The following DLC1 variants were observed in gnomAD, a reference collection of about 807,000 sequenced individuals.
The protein encoded by DLC1 is rho GTPase-activating protein 7.
A neutral mutation model predicts 140.3 loss-of-function variants in DLC1; 54 were observed. The ratio of observed to expected loss-of-function variants is 0.38; its 90% CI spans 0.31 to 0.48. The LOEUF is 0.48. Among genes scored for constraint, DLC1 ranks in the 20% least tolerant of loss-of-function variants. DLC1 has a pLI of 0.96. For synonymous variants in DLC1, 986 were observed against 728.1 expected (o/e 1.35, Z -5.70); for missense variants, 2,536 against 1,907.0 (o/e 1.33, Z -6.14).
chr8:13,305,317 A>G lies in DLC1; in HGVS notation c.1315-15T>C. On this transcript the variant is annotated splice_polypyrimidine_tract_variant and intron_variant, in intron 4 of 17. Transcript: ENST00000276297. Reference sequence around the variant, plus strand: ...CCTTGAATAGCCTGAAAAAAAAGACACAAAAATTGTGGTATTATTAGGAAG... The same window carrying G: ...CCTTGAATAGCCTGAAAAAAAAGACGCAAAAATTGTGGTATTATTAGGAAG... The G allele has an allele frequency of 2.5e-6, 4 of 1,585,330 alleles. No homozygotes were observed. The highest frequency in any genetic ancestry group is 3.4e-6 in the Non-Finnish European group (4 of 1,168,574).
intron 5 of DLC1, among the ~76,000 whole-genome samples, chr8:13,143,200 C>T (rs1329060860): frequency 2.6e-5 from 4 of 152,054 alleles, no homozygotes; most frequent in Non-Finnish European, 5.9e-5. Flanking sequence ...TAAGAACAAA[C>T]AAAAAACAAA....
chr8:13,131,159 C>T (rs968456079), intron 5 of DLC1, among the ~76,000 whole-genome samples: 1 of 152,300 alleles, frequency 6.6e-6, no homozygotes, highest in East Asian at 1.9e-4. Context: ...GTCTGCAAGC[C>T]AAGATGGCAA....
chr8:13,463,607 A>T (rs183998786), intron 2 of DLC1, among the ~76,000 whole-genome samples: 2 of 152,330 alleles, frequency 1.3e-5, no homozygotes, highest in Admixed American at 1.3e-4. Context: ...AAATAGACAC[A>T]AGAATTCTTT....
chr8:13,534,172 G>C (rs1428611577), intron 1 of DLC1, among the ~76,000 whole-genome samples: 1 of 152,086 alleles, frequency 6.6e-6, no homozygotes, highest in Admixed American at 6.6e-5. Flanking sequence ...ATTTATGCCA[G>C]CAATTTCCAG....
At chr8:13,494,754 C>G (rs375296510) in intron 2 of DLC1, among the ~76,000 whole-genome samples, 1 of 152,000 alleles carries the variant, frequency 6.6e-6, no homozygotes, top group Non-Finnish European at 1.5e-5. Context: ...AGTTTGAGAC[C>G]AGGCTGGCCA....
intron 5 of DLC1, among the ~76,000 whole-genome samples, chr8:13,140,915 C>A (rs17126030): frequency 6.6e-6 from 1 of 151,942 alleles, no homozygotes; most frequent in African/African-American, 2.4e-5. Context: ...TTTCTCTCTC[C>A]CCTAGTATCA....
At chr8:13,604,356 A>C (rs1805978992) in intron 1 of DLC1, among the ~76,000 whole-genome samples, 1 of 152,124 alleles carries the variant, frequency 6.6e-6, no homozygotes, top group African/African-American at 2.4e-5. Flanking sequence ...GAGCATCTCA[A>C]CTTCTTTTAT....
At chr8:13,483,848 G>A (rs145628510) in intron 2 of DLC1, among the ~76,000 whole-genome samples, 12 of 152,244 alleles carry the variant, frequency 7.9e-5, no homozygotes, top group African/African-American at 1.4e-4. Context: ...TTGGGAGGCC[G>A]AGGCTGCTGG....
intron 4 of DLC1, among the ~76,000 whole-genome samples, chr8:13,357,292 T>C (rs1834989371): frequency 6.6e-6 from 1 of 152,184 alleles, no homozygotes; most frequent in Admixed American, 6.5e-5. Context: ...AGTCCTGCCC[T>C]GGCTCCAGAG....
intron 1 of DLC1, among the ~76,000 whole-genome samples, chr8:13,602,554 A>G (rs1030023755): frequency 1.3e-5 from 2 of 151,872 alleles, no homozygotes. Flanking sequence ...CATGGAAATT[A>G]GGACAAGTTG....
At chr8:13,510,696 A>C (rs530767554) in intron 1 of DLC1, among the ~76,000 whole-genome samples, 2 of 152,214 alleles carry the variant, frequency 1.3e-5, no homozygotes, top group South Asian at 4.2e-4. Flanking sequence ...CACCCCATTT[A>C]AAATGTGGAA....
chr8:13,412,735 C>CA (rs570191101), intron 2 of DLC1, among the ~76,000 whole-genome samples: 68 of 151,828 alleles, frequency 4.5e-4, no homozygotes, highest in Admixed American at 1.8e-3. Flanking sequence ...AGATAGAGAC[C>CA]TCCTGGCTAA....
intron 1 of DLC1, chr8:13,558,068 C>G (rs1029351814): frequency 1.3e-5 from 2 of 152,124 alleles, no homozygotes; most frequent in Non-Finnish European, 2.9e-5. Context: ...TTAAAACTGG[C>G]CTTAGACTCA....
At chr8:13,240,966 G>C (rs566267011) in intron 5 of DLC1, among the ~76,000 whole-genome samples, 27 of 152,164 alleles carry the variant, frequency 1.8e-4, no homozygotes, top group Non-Finnish European at 3.7e-4. Flanking sequence ...CTAAGAAGGA[G>C]AGAGCAAGGA....
At chr8:13,398,605 CAA>C (rs55898759) in intron 3 of DLC1, among the ~76,000 whole-genome samples, 22 of 113,086 alleles carry the variant, frequency 1.9e-4, no homozygotes, top group African/African-American at 3.7e-4. Context: ...CCATCTCTAC[CAA>C]AAAAAAAAAA....
intron 1 of DLC1, among the ~76,000 whole-genome samples, chr8:13,602,743 A>G (rs142566823): frequency 2.1e-3 from 318 of 151,990 alleles, no homozygotes; most frequent in Middle Eastern, 0.014. Context: ...ACAAAATAAA[A>G]CAACATAATT....
intron 1 of DLC1, among the ~76,000 whole-genome samples, chr8:13,592,734 G>A (rs939713809): frequency 1.3e-5 from 2 of 152,078 alleles, no homozygotes; most frequent in Non-Finnish European, 2.9e-5. Context: ...GTGTTCAGCA[G>A]AGGACACTAC....
Position 13,085,560 on chromosome 8 carries a change from A to G in DLC1, c.*251T>C, listed in dbSNP as rs1478109831. Reference sequence around the variant, plus strand: ...GTTTTGCTTCTCAGAAGCAATTTGAATAAGAATACACATAAATTTTTTTTT... The same window carrying G: ...GTTTTGCTTCTCAGAAGCAATTTGAGTAAGAATACACATAAATTTTTTTTT... On this transcript the variant is annotated 3_prime_UTR_variant, in exon 18 of 18. Transcript: ENST00000276297. The G allele has an allele frequency of 6.1e-6, 2 of 329,548 alleles. No individual in the cohort carries two copies. Among genetic ancestry groups the G allele is most frequent in the Non-Finnish European group, 1.1e-5 (2 of 184,114 alleles). 20.4% of individuals were successfully genotyped at this position (329,548 alleles called of 1,614,324 possible). A position where few individuals can be genotyped will look rare whatever the true frequency, so the allele number is the denominator to read the frequency against.
At chr8:13,566,764 G>C (rs994591374) in intron 1 of DLC1, 10 of 554,212 alleles carry the variant, frequency 1.8e-5, no homozygotes, top group South Asian at 1.0e-4. Context: ...CGCAAGCGCA[G>C]TGGGCGCTGG....
Sources: allele counts gnomAD v4.1 joint callset (sites outside exome capture counted in the v4.1 genomes callset), GRCh38; gene constraint gnomAD v4.1.1; transcripts MANE v1.5; gene names NCBI Gene and HGNC (gene_info 2026-07-23, HGNC 2026-07-21).